Variants in SLC4A4 observed in about 807,000 individuals in gnomAD.
SLC4A4 encodes electrogenic sodium bicarbonate cotransporter 1.
A neutral mutation model predicts 111.5 loss-of-function variants in SLC4A4; 27 were observed. That is an observed-to-expected ratio of 0.24 (90% CI 0.18 to 0.33). The LOEUF is 0.33. SLC4A4 is among the 10% of genes least tolerant of loss of function. SLC4A4 has a pLI of 1.00. For synonymous variants in SLC4A4, 443 were observed against 463.4 expected (o/e 0.96, Z 0.57); for missense variants, 909 against 1,315.5 (o/e 0.69, Z 4.78).
At chr4:71,089,455 T>C (rs534000925) in intron 1 of SLC4A4, among the ~76,000 whole-genome samples, 60 of 152,238 alleles carry the variant, frequency 3.9e-4, no homozygotes, top group Non-Finnish European at 7.5e-4. Flanking sequence ...TGTGTTCCTT[T>C]GGAGGAGGAG....
chr4:71,197,619 C>T (rs1463912636), intron 1 of SLC4A4, among the ~76,000 whole-genome samples: 3 of 152,122 alleles, frequency 2.0e-5, no homozygotes, highest in African/African-American at 7.2e-5. Flanking sequence ...TTAAAGATGC[C>T]TAAAAAGGCC....
rs112519944 is a variant in SLC4A4, at chr4:71,091,443, C to T, written c.-64-1287C>T. Reference sequence around the variant, plus strand: ...AATTTTTTTGTATTTTTAGTAGAGACGAGGTTTCACTGTGTTAGCCATGGT... The same window carrying T: ...AATTTTTTTGTATTTTTAGTAGAGATGAGGTTTCACTGTGTTAGCCATGGT... On this transcript the variant is annotated intron_variant, in intron 1 of 26. Transcript: ENST00000649996. 6.7e-3 allele frequency among the ~76,000 whole-genome samples: 1,022 copies of T among 151,552 alleles called. 14 individuals are homozygous for T. Among genetic ancestry groups the T allele is most frequent in the African/African-American group, 0.024 (988 of 41,304 alleles).
chr4:71,099,114 A>T (rs767559641), intron 2 of SLC4A4, among the ~76,000 whole-genome samples: 11 of 152,186 alleles, frequency 7.2e-5, no homozygotes, highest in Non-Finnish European at 1.2e-4. Flanking sequence ...TGGATCTGAT[A>T]GATCTCTACA....
At chr4:71,564,153 A>C (rs939804235) in intron 24 of SLC4A4, among the ~76,000 whole-genome samples, 1 of 151,756 alleles carries the variant, frequency 6.6e-6, no homozygotes, top group Admixed American at 6.6e-5. Context: ...GGCTAAATTA[A>C]TAACCATGTT....
chr4:71,197,225 A>C (rs1227224591), intron 1 of SLC4A4, among the ~76,000 whole-genome samples: 5 of 152,132 alleles, frequency 3.3e-5, no homozygotes, highest in Non-Finnish European at 4.4e-5. Context: ...AAAAAAACAA[A>C]AACAAAACTG....
At chr4:71,457,540 A>G (rs955708086) in intron 12 of SLC4A4, among the ~76,000 whole-genome samples, 1 of 152,044 alleles carries the variant, frequency 6.6e-6, no homozygotes, top group Non-Finnish European at 1.5e-5. Flanking sequence ...TCCTTTTTTT[A>G]TGGTACAGCA....
chr4:71,190,445 G>A (rs908579478), intron 1 of SLC4A4, among the ~76,000 whole-genome samples: 1 of 150,412 alleles, frequency 6.6e-6, no homozygotes, highest in Non-Finnish European at 1.5e-5. Flanking sequence ...CAACTCATTT[G>A]TAGAGGTGGC....
chr4:71,311,586 A>G (rs1451832473), intron 3 of SLC4A4, among the ~76,000 whole-genome samples: 1 of 152,174 alleles, frequency 6.6e-6, no homozygotes, highest in Non-Finnish European at 1.5e-5. Context: ...CTGAATGACT[A>G]CTTGGGTAAA....
chr4:71,197,429 T>A (rs1746058157), intron 1 of SLC4A4, among the ~76,000 whole-genome samples: 1 of 152,222 alleles, frequency 6.6e-6, no homozygotes, highest in Non-Finnish European at 1.5e-5. Flanking sequence ...ATGACTGTAT[T>A]TGATCTGTTC....
intron 1 of SLC4A4, among the ~76,000 whole-genome samples, chr4:71,219,381 T>C (rs372354579): frequency 6.6e-6 from 1 of 152,210 alleles, no homozygotes; most frequent in East Asian, 1.9e-4. Flanking sequence ...TACATCTGTT[T>C]ATAGCATGAT....
intron 2 of SLC4A4, among the ~76,000 whole-genome samples, chr4:71,148,788 C>A (rs189606545): frequency 3.9e-5 from 6 of 152,226 alleles, no homozygotes; most frequent in Non-Finnish European, 8.8e-5. Context: ...TTCCTTTATT[C>A]TAAATACCCC....
At chr4:71,393,463 C>A (rs560691424) in intron 6 of SLC4A4, among the ~76,000 whole-genome samples, 2 of 152,006 alleles carry the variant, frequency 1.3e-5, no homozygotes, top group East Asian at 1.9e-4. Flanking sequence ...ACGAAGGAGG[C>A]GAAAGACATC....
intron 12 of SLC4A4, among the ~76,000 whole-genome samples, chr4:71,463,694 G>C (rs539045382): frequency 1.3e-5 from 2 of 152,160 alleles, no homozygotes; most frequent in African/African-American, 4.8e-5. Flanking sequence ...AACAATGCCT[G>C]TTGACCTTTG....
At chr4:71,362,997 T>C (rs1370354249) in intron 6 of SLC4A4, among the ~76,000 whole-genome samples, 1 of 152,198 alleles carries the variant, frequency 6.6e-6, no homozygotes, top group Non-Finnish European at 1.5e-5. Flanking sequence ...AGAAATGTAA[T>C]CCACTTGCTC....
At chr4:71,348,717 C>A (rs1375440459) in intron 4 of SLC4A4, among the ~76,000 whole-genome samples, 3 of 152,056 alleles carry the variant, frequency 2.0e-5, no homozygotes, top group Non-Finnish European at 4.4e-5. Flanking sequence ...GGGCTGATCG[C>A]TTGATCTATT....
intron 1 of SLC4A4, among the ~76,000 whole-genome samples, chr4:71,198,222 A>G (rs1746091743): frequency 6.6e-6 from 1 of 152,228 alleles, no homozygotes; most frequent in Non-Finnish European, 1.5e-5. Flanking sequence ...AAAGCACAAT[A>G]TATTGAGACG....
intron 7 of SLC4A4, among the ~76,000 whole-genome samples, chr4:71,433,813 C>A (rs1417857313): frequency 2.0e-5 from 3 of 152,030 alleles, no homozygotes; most frequent in Admixed American, 2.0e-4. Context: ...ATAAGGTGTT[C>A]ATTCCAACAC....
intron 3 of SLC4A4, among the ~76,000 whole-genome samples, chr4:71,294,281 A>C (rs1724606660): frequency 1.3e-5 from 2 of 152,198 alleles, no homozygotes; most frequent in Non-Finnish European, 2.9e-5. Context: ...TCCCCCTGAC[A>C]GGTGTGGAAC....
intron 2 of SLC4A4, among the ~76,000 whole-genome samples, chr4:71,114,916 G>A (rs1743205046): frequency 8.2e-6 from 1 of 121,410 alleles, no homozygotes; most frequent in Admixed American, 8.8e-5. Context: ...ATTCACAATA[G>A]CAAAGACTTG....
Sources: allele counts gnomAD v4.1 joint callset (sites outside exome capture counted in the v4.1 genomes callset), GRCh38; gene constraint gnomAD v4.1.1; transcripts MANE v1.5; gene names NCBI Gene and HGNC (gene_info 2026-07-23, HGNC 2026-07-21).